Variants in FHIP1A observed in about 807,000 individuals in gnomAD.
The protein encoded by FHIP1A is FHF complex subunit HOOK interacting protein 1A.
In FHIP1A, 61 loss-of-function variants were observed where a neutral mutation model predicts 88.6. The observed-to-expected ratio is 0.69, with a 90% CI of 0.56 to 0.85. The LOEUF (loss-of-function observed/expected upper bound fraction) is 0.85, where lower values mean the gene tolerates loss of function less well. FHIP1A is among the 40% of genes least tolerant of loss of function. The probability of loss-of-function intolerance (pLI) is 0.00; values close to 1 mark genes in which losing one functional copy is unlikely to be tolerated. For synonymous variants in FHIP1A, 478 were observed against 496.0 expected, an observed-to-expected ratio of 0.96 and a Z score of 0.48; for missense variants, 1,154 against 1,273.5, an observed-to-expected ratio of 0.91 and a Z score of 1.43.
chr4:151,609,781 A>G (rs995716460), intron 7 of FHIP1A, among the ~76,000 whole-genome samples: 2 of 152,216 alleles, frequency 1.3e-5, no homozygotes, highest in Non-Finnish European at 2.9e-5. Context: ...CACAACAAGT[A>G]GTGAACTAAT....
intron 1 of FHIP1A, among the ~76,000 whole-genome samples, chr4:151,452,520 G>A (rs1277640955): frequency 1.3e-5 from 2 of 152,146 alleles, no homozygotes; most frequent in Admixed American, 6.5e-5. Context: ...GAGGCCAAAA[G>A]TATGAGAGCA....
At chr4:151,467,609 G>A (rs1729367829) in intron 2 of FHIP1A, among the ~76,000 whole-genome samples, 2 of 152,064 alleles carry the variant, frequency 1.3e-5, no homozygotes, top group African/African-American at 4.8e-5. Context: ...ATAAAGAAAA[G>A]AAAATGTAGT....
intron 7 of FHIP1A, among the ~76,000 whole-genome samples, chr4:151,626,559 G>A (rs28591074): frequency 0.034 from 5,151 of 152,174 alleles, 297 homozygotes; most frequent in African/African-American, 0.12. Context: ...GGTTATTTCA[G>A]TCATTGTGGC....
intron 2 of FHIP1A, among the ~76,000 whole-genome samples, chr4:151,462,942 A>G (rs1325158314): frequency 1.3e-5 from 2 of 152,136 alleles, no homozygotes; most frequent in Non-Finnish European, 2.9e-5. Flanking sequence ...TAGTTTTACT[A>G]TTTGTAATTG....
intron 3 of FHIP1A, among the ~76,000 whole-genome samples, chr4:151,565,166 C>T (rs1733334767): frequency 6.6e-6 from 1 of 152,002 alleles, no homozygotes; most frequent in Non-Finnish European, 1.5e-5. Context: ...TTTTTCTGAA[C>T]TCTTCCCAAT....
At chr4:151,488,321 C>G (rs776230200) in intron 3 of FHIP1A, among the ~76,000 whole-genome samples, 38 of 152,266 alleles carry the variant, frequency 2.5e-4, no homozygotes, top group Non-Finnish European at 4.6e-4. Context: ...CTCTTTCCCC[C>G]CTCACTCTCT....
At chr4:151,425,480 G>T (rs1436481079) in intron 1 of FHIP1A, among the ~76,000 whole-genome samples, 2 of 151,932 alleles carry the variant, frequency 1.3e-5, no homozygotes, top group Non-Finnish European at 2.9e-5. Context: ...TTTAAACTCT[G>T]GATGGTAGAT....
chr4:151,594,798 C>T (rs1274106644), intron 7 of FHIP1A, among the ~76,000 whole-genome samples: 1 of 152,132 alleles, frequency 6.6e-6, no homozygotes, highest in African/African-American at 2.4e-5. Flanking sequence ...TGGTCTCGAT[C>T]TCCTGACCTC....
chr4:151,454,679 G>C (rs895107829), intron 1 of FHIP1A, 22 bp from the exon 2 acceptor site: 3 of 151,654 alleles, frequency 2.0e-5, no homozygotes, highest in Admixed American at 1.3e-4. Flanking sequence ...TTTTTCTGAA[G>C]GACTTTTTTT....
intron 7 of FHIP1A, among the ~76,000 whole-genome samples, chr4:151,620,599 G>A (rs770063330): frequency 1.3e-5 from 2 of 151,954 alleles, no homozygotes; most frequent in Non-Finnish European, 2.9e-5. Flanking sequence ...TCACAAATAG[G>A]CACAGAGTAA....
intron 1 of FHIP1A, among the ~76,000 whole-genome samples, chr4:151,410,142 G>A (rs1437720296): frequency 6.6e-6 from 1 of 152,080 alleles, no homozygotes; most frequent in African/African-American, 2.4e-5. Context: ...GTTGGTGCAG[G>A]CGGCGGTAGC....
chr4:151,456,793 A>G (rs28641683), intron 2 of FHIP1A, among the ~76,000 whole-genome samples: 41 of 152,284 alleles, frequency 2.7e-4, no homozygotes, highest in African/African-American at 9.9e-4. Context: ...AGCAGAGGGT[A>G]AACAGATTCC....
At chr4:151,621,525 A>G (rs1438339061) in intron 7 of FHIP1A, among the ~76,000 whole-genome samples, 1 of 125,004 alleles carries the variant, frequency 8.0e-6, no homozygotes, top group Non-Finnish European at 1.6e-5. Flanking sequence ...CATTTAACCC[A>G]TCAGGGAGAT....
At chr4:151,661,538 C>T (rs1238512884) in intron 13 of FHIP1A, among the ~76,000 whole-genome samples, 1 of 150,294 alleles carries the variant, frequency 6.7e-6, no homozygotes, top group Non-Finnish European at 1.5e-5. Flanking sequence ...GTACTGAATT[C>T]TAAGAAGCAG....
chr4:151,656,388 C>T lies in FHIP1A; in HGVS notation c.2708C>T (p.Pro903Leu), dbSNP rs537253299. The change falls in exon 12 of 14, where the codon CCA becomes CTA. Residue 903 changes from proline to leucine, a missense_variant. By Grantham distance (98) the Pro-to-Leu change is moderately conservative. Transcript: ENST00000435205. The surrounding 1 kb of genome is among the most constrained non-coding windows in gnomAD (Gnocchi z 4.2). ...FLLNTNMVFQPSVRSLYQVLA... is the reference protein window; with the variant it reads ...FLLNTNMVFQLSVRSLYQVLA... Reference sequence around the variant, plus strand: ...CTCAACACCAACATGGTCTTCCAGCCAAGCGTCCGCTCTCTCTATCAGGTA... The same window carrying T: ...CTCAACACCAACATGGTCTTCCAGCTAAGCGTCCGCTCTCTCTATCAGGTA... The T allele has an allele frequency of 2.1e-5, 33 of 1,551,720 alleles. No homozygotes were observed. Among genetic ancestry groups the T allele is most frequent in the African/African-American group, 5.5e-5 (4 of 73,172 alleles).
rs529210884 is a variant in FHIP1A at position 151,609,200 on chromosome 4, T to C, written c.978+20274T>C. Among the ~76,000 whole-genome samples, 301 of 152,342 alleles carry C rather than the reference T, an allele frequency of 2.0e-3. 1 individual carries two copies. Among genetic ancestry groups the C allele is most frequent in the African/African-American group, 7.2e-3 (299 of 41,574 alleles). ...ATCACAGAATACTATAAGATACCAC[T>C]GTTCTACCTCTGACCCAGTCCTGCC... On this transcript the variant is annotated intron_variant, in intron 7 of 13. Coordinates refer to ENST00000435205, the MANE Select transcript of FHIP1A (RefSeq NM_001109977.3).
intron 2 of FHIP1A, among the ~76,000 whole-genome samples, chr4:151,478,286 G>T (rs530026117): frequency 6.6e-6 from 1 of 152,204 alleles, no homozygotes; most frequent in Non-Finnish European, 1.5e-5. Flanking sequence ...AAGATGTTTT[G>T]TTTATATGTG....
intron 8 of FHIP1A, among the ~76,000 whole-genome samples, chr4:151,630,658 A>G (rs1204543175): frequency 5.3e-5 from 8 of 152,218 alleles, no homozygotes; most frequent in African/African-American, 1.9e-4. Flanking sequence ...AAAATGTTAT[A>G]CTAGAGAAAA....
chr4:151,563,806 A>T (rs1733266307), intron 3 of FHIP1A, among the ~76,000 whole-genome samples: 1 of 152,042 alleles, frequency 6.6e-6, no homozygotes, highest in Non-Finnish European at 1.5e-5. Flanking sequence ...CCTGGGCAAC[A>T]TAGGGAGACC....
Sources: allele counts gnomAD v4.1 joint callset (sites outside exome capture counted in the v4.1 genomes callset), GRCh38; gene constraint gnomAD v4.1.1; non-coding constraint Gnocchi (gnomAD v3.1); transcripts MANE v1.5; gene names NCBI Gene and HGNC (gene_info 2026-07-23, HGNC 2026-07-21).